The following RBFOX2 variants were observed in gnomAD, a reference collection of about 807,000 sequenced individuals.
RBFOX2 encodes RNA binding protein fox-1 homolog 2.
RBFOX2 carries 10 observed loss-of-function variants against 49.1 expected under a neutral mutation model. The observed-to-expected ratio is 0.20, with a 90% confidence interval of 0.13 to 0.35. The LOEUF (loss-of-function observed/expected upper bound fraction) is 0.35. RBFOX2 is among the 10% of genes least tolerant of loss of function. RBFOX2 has a pLI of 1.00. For synonymous variants in RBFOX2, 183 were observed against 187.4 expected, an observed-to-expected ratio of 0.98 and a Z score of 0.19; for missense variants, 323 against 486.9, an observed-to-expected ratio of 0.66 and a Z score of 3.17.
chr22:35,792,534 C>G lies in RBFOX2; in HGVS notation c.253-10788G>C, dbSNP rs559226400. Among the ~76,000 whole-genome samples, 18 of 152,000 alleles carry G rather than the reference C, an allele frequency of 1.2e-4. No individual in the cohort carries two copies. The South Asian group carries it at 2.5e-3, about 21-fold the overall frequency. ...AGATTATGACATATTTAATATTCAACGAATTGAAATGGAAACATCATAGCC... is the reference window on the plus strand; with the variant it reads ...AGATTATGACATATTTAATATTCAAGGAATTGAAATGGAAACATCATAGCC... On this transcript the variant is annotated intron_variant, in intron 2 of 11. Coordinates refer to ENST00000405409, the Ensembl canonical transcript of RBFOX2.
chr22:35,965,892 T>C (rs2056531350), upstream of RBFOX2, among the ~76,000 whole-genome samples: 1 of 152,116 alleles, frequency 6.6e-6, no homozygotes, highest in Non-Finnish European at 1.5e-5. Flanking sequence ...CCAAAGCGAT[T>C]ACATATACAG....
intron 1 of RBFOX2, among the ~76,000 whole-genome samples, chr22:35,814,732 AAAAAG>A (rs1555962665): frequency 6.8e-6 from 1 of 147,108 alleles, no homozygotes; most frequent in African/African-American, 2.5e-5. Context: ...AAAAAAAAAA[AAAAAG>A]AAAAGAAAAG....
chr22:35,967,391 A>T (rs572654740), intron 1 of RBFOX2, among the ~76,000 whole-genome samples: 222 of 146,282 alleles, frequency 1.5e-3, no homozygotes, highest in South Asian at 6.5e-3. Flanking sequence ...ATAAAAAATT[A>T]AAAAAAAAAA....
chr22:35,824,128 G>A (rs1032902853), intron 1 of RBFOX2, among the ~76,000 whole-genome samples: 7 of 151,734 alleles, frequency 4.6e-5, no homozygotes, highest in African/African-American at 7.3e-5. Flanking sequence ...CAGACTGGGA[G>A]ACAGGATGAG....
intron 1 of RBFOX2, among the ~76,000 whole-genome samples, chr22:35,902,137 G>A (rs529784138): frequency 1.3e-5 from 2 of 151,898 alleles, no homozygotes; most frequent in East Asian, 1.9e-4. Context: ...TCCTTATTAC[G>A]TTTCAATTAT....
intron 3 of RBFOX2, among the ~76,000 whole-genome samples, chr22:35,779,057 G>A (rs1489818049): frequency 6.6e-6 from 1 of 152,002 alleles, no homozygotes; most frequent in Non-Finnish European, 1.5e-5. Context: ...ACTCTCTTTG[G>A]TAATTCTTTA....
chr22:35,790,804 C>A (rs942009990), intron 2 of RBFOX2, among the ~76,000 whole-genome samples: 3 of 152,056 alleles, frequency 2.0e-5, no homozygotes, highest in Non-Finnish European at 2.9e-5. Context: ...CCCAGGAGTT[C>A]GAGACCAGCC....
chr22:35,835,305 G>A (rs1957455692), intron 1 of RBFOX2, among the ~76,000 whole-genome samples: 1 of 147,016 alleles, frequency 6.8e-6, no homozygotes, highest in Non-Finnish European at 1.5e-5. Flanking sequence ...GGGTGGGTAA[G>A]GGGGGGCTGT....
intron 9 of RBFOX2, 56 bp from the exon 11 acceptor site, chr22:35,756,200 T>C: frequency 6.9e-7 from 1 of 1,457,594 alleles, no homozygotes; most frequent in South Asian, 1.4e-5. Context: ...CAGAAACACA[T>C]TCCGGTTATT....
chr22:35,910,366 T>C (rs535388199), intron 1 of RBFOX2, among the ~76,000 whole-genome samples: 3 of 152,230 alleles, frequency 2.0e-5, no homozygotes, highest in Non-Finnish European at 2.9e-5. Context: ...CTTAAATTAA[T>C]AGATGCTTTT....
At chr22:35,796,383 CG>C (rs1466627749) in intron 2 of RBFOX2, among the ~76,000 whole-genome samples, 1 of 152,056 alleles carries the variant, frequency 6.6e-6, no homozygotes, top group Non-Finnish European at 1.5e-5. Context: ...TTTTCCAAAA[CG>C]TAATAAATTT....
At position 35,946,476 on chromosome 22, in the gene RBFOX2, C is replaced by T. The variant is rs551044984; in HGVS notation, c.43-7579G>A. 3.9e-5 allele frequency among the ~76,000 whole-genome samples: 6 copies of T among 152,310 alleles called. 1 individual carries two copies. The South Asian group carries it at 1.2e-3, about 32-fold the overall frequency. On this transcript the variant is annotated intron_variant, in intron 1 of 5. Coordinates refer to the RBFOX2 transcript ENST00000408983. ...ACTGTGTAATAGATAATATCTACCA[C>T]ATAAAGTTGTGACATCCAATGAGAT...
At chr22:35,836,520 T>A (rs554471796) in intron 1 of RBFOX2, 3 of 152,246 alleles carry the variant, frequency 2.0e-5, no homozygotes, top group Non-Finnish European at 4.4e-5. Flanking sequence ...TGCTGCCACA[T>A]GGACTCACTG....
At chr22:35,970,594 G>A (rs1407121320) in intron 1 of RBFOX2, among the ~76,000 whole-genome samples, 2 of 151,972 alleles carry the variant, frequency 1.3e-5, no homozygotes, top group Admixed American at 1.3e-4. Flanking sequence ...CCAGGAGCTC[G>A]GGACTGCAGT....
At chr22:35,740,252 GATC>G (rs1227504568) in exon 12 of RBFOX2, 2 of 152,490 alleles carry the variant, frequency 1.3e-5, no homozygotes, top group African/African-American at 4.8e-5. Flanking sequence ...TTGCCTGGCT[GATC>G]AGTAAAGCAA....
intron 1 of RBFOX2, among the ~76,000 whole-genome samples, chr22:35,906,914 G>C (rs1048391189): frequency 1.3e-5 from 2 of 152,138 alleles, no homozygotes; most frequent in South Asian, 2.1e-4. Context: ...ACTCAAACTT[G>C]ATCTTAAAAT....
chr22:36,006,041 G>T (rs1054089188), intron 1 of RBFOX2, among the ~76,000 whole-genome samples: 2 of 152,208 alleles, frequency 1.3e-5, no homozygotes, highest in Admixed American at 1.3e-4. Flanking sequence ...AGCTACAAAA[G>T]AGAAATTCTC....
upstream of RBFOX2, among the ~76,000 whole-genome samples, chr22:35,965,090 T>C (rs2056480023): frequency 6.6e-6 from 1 of 152,096 alleles, no homozygotes; most frequent in Non-Finnish European, 1.5e-5. Context: ...CCAAGGTGTA[T>C]ATAGGTATGG....
intron 1 of RBFOX2, chr22:35,897,588 G>A (rs2048017885): frequency 5.1e-6 from 5 of 985,904 alleles, no homozygotes; most frequent in Middle Eastern, 2.3e-4. Flanking sequence ...GGTCAAAGAG[G>A]AGATATCGAT....
Sources: gnomAD v4.1 joint callset for allele counts (sites outside exome capture counted in the v4.1 genomes callset) on GRCh38, gnomAD v4.1.1 for gene constraint, MANE v1.5 for transcripts, NCBI Gene and HGNC (gene_info 2026-07-23, HGNC 2026-07-21) for gene names.